NKAIN3: variants seen among roughly 807,000 people sequenced by gnomAD.
NKAIN3 encodes sodium/potassium-transporting ATPase subunit beta-1-interacting protein 3.
In NKAIN3, 25 loss-of-function variants were observed where a neutral mutation model predicts 30.2. That is an observed-to-expected ratio of 0.83 (90% CI 0.60 to 1.16). The LOEUF (loss-of-function observed/expected upper bound fraction) is 1.16, where lower values mean the gene tolerates loss of function less well. Among genes scored for constraint, NKAIN3 ranks in the 50% most tolerant of loss-of-function variants. The pLI is 0.00. For missense variants in NKAIN3, 225 were observed against 254.1 expected, an observed-to-expected ratio of 0.89 and a Z score of 0.78; for synonymous variants, 91 against 89.6, an observed-to-expected ratio of 1.02 and a Z score of -0.09.
At position 62,978,345 on chromosome 8, in the gene NKAIN3, C is replaced by T. The variant is rs753722100; in HGVS notation, c.*12938C>T. On this transcript the variant is annotated 3_prime_UTR_variant, in exon 7 of 7. Transcript: ENST00000623646. ...CCCCTTCCCCCAGGTGCTCTGTCCCCAGGAGATGGGAGTTTTATCTATAAG... is the reference window on the plus strand; with the variant it reads ...CCCCTTCCCCCAGGTGCTCTGTCCCTAGGAGATGGGAGTTTTATCTATAAG... The T allele has an allele frequency of 6.6e-6, 1 of 152,382 alleles. No individual in the cohort carries two copies. Among genetic ancestry groups the T allele is most frequent in the African/African-American group, 2.4e-5 (1 of 41,460 alleles). The allele number at this position is 152,382 out of a possible 1,614,324, so 9.4% of individuals were successfully genotyped here. A position where few individuals can be genotyped will look rare whatever the true frequency, so the allele number is the denominator to read the frequency against.
intron 1 of NKAIN3, among the ~76,000 whole-genome samples, chr8:62,569,201 G>A (rs11787352): frequency 0.4 from 61,360 of 152,026 alleles, 13,265 homozygotes; most frequent in Non-Finnish European, 0.5. Flanking sequence ...TAGCATAGTG[G>A]CAAGTCTCCA....
intron 4 of NKAIN3, among the ~76,000 whole-genome samples, chr8:62,846,886 T>C (rs183723455): frequency 8.6e-4 from 131 of 152,238 alleles, no homozygotes; most frequent in Non-Finnish European, 1.4e-3. Context: ...AGTCATGTCT[T>C]ACACGGTGGC....
rs1044878260 is a variant in NKAIN3 at position 62,967,290 on chromosome 8, C to T, written c.*1883C>T. 3.3e-5 allele frequency among the ~76,000 whole-genome samples: 5 copies of T among 152,140 alleles called. No individual in the cohort carries two copies. The highest frequency in any genetic ancestry group is 5.9e-5 in the Non-Finnish European group (4 of 68,028). Reference sequence around the variant, plus strand: ...CAAAAGTTGGGGTTTGGGTCCCATCCACCACCATGTTCTTGGACAGTGTTT... The same window carrying T: ...CAAAAGTTGGGGTTTGGGTCCCATCTACCACCATGTTCTTGGACAGTGTTT... On this transcript the variant is annotated 3_prime_UTR_variant, in exon 7 of 7. Coordinates refer to ENST00000623646, the MANE Select transcript of NKAIN3 (RefSeq NM_001304533.3).
chr8:62,513,734 G>T (rs1357187827), intron 1 of NKAIN3, among the ~76,000 whole-genome samples: 1 of 151,714 alleles, frequency 6.6e-6, no homozygotes, highest in Admixed American at 6.6e-5. Flanking sequence ...AGCTAGGTGT[G>T]GTGGCGCACA....
chr8:62,504,867 C>A (rs1477092824), intron 1 of NKAIN3, among the ~76,000 whole-genome samples: 1 of 152,118 alleles, frequency 6.6e-6, no homozygotes, highest in East Asian at 1.9e-4. Context: ...TTCTCAATGT[C>A]CCTCAAACAA....
chr8:62,623,942 G>A (rs1586020895), intron 3 of NKAIN3, among the ~76,000 whole-genome samples: 2 of 152,178 alleles, frequency 1.3e-5, no homozygotes, highest in African/African-American at 4.8e-5. Context: ...TCTAAACGAA[G>A]GGTGGATTAT....
At chr8:62,286,487 T>G (rs945185271) in intron 1 of NKAIN3, among the ~76,000 whole-genome samples, 2 of 152,098 alleles carry the variant, frequency 1.3e-5, no homozygotes, top group African/African-American at 2.4e-5. Context: ...GGAAGAGAGA[T>G]AATGTTGTCT....
intron 1 of NKAIN3, among the ~76,000 whole-genome samples, chr8:62,340,133 T>A (rs1258203106): frequency 6.6e-6 from 1 of 152,142 alleles, no homozygotes; most frequent in Non-Finnish European, 1.5e-5. Flanking sequence ...TGTATTTTTA[T>A]GTTTTTTAAT....
intron 4 of NKAIN3, among the ~76,000 whole-genome samples, chr8:62,914,795 T>A (rs1822035578): frequency 6.6e-6 from 1 of 151,504 alleles, no homozygotes; most frequent in South Asian, 2.1e-4. Flanking sequence ...TTTTTTTTTT[T>A]TGCTATTATA....
At chr8:62,842,690 G>A (rs576038161) in intron 4 of NKAIN3, among the ~76,000 whole-genome samples, 1 of 152,034 alleles carries the variant, frequency 6.6e-6, no homozygotes, top group Non-Finnish European at 1.5e-5. Context: ...AGGACAGAAA[G>A]CTCAGTAATA....
At chr8:62,836,085 A>C (rs906114544) in intron 4 of NKAIN3, among the ~76,000 whole-genome samples, 1 of 152,128 alleles carries the variant, frequency 6.6e-6, no homozygotes, top group Non-Finnish European at 1.5e-5. Flanking sequence ...TTAAGACTGG[A>C]ATAGAAAACC....
intron 3 of NKAIN3, among the ~76,000 whole-genome samples, chr8:62,713,476 C>A (rs1057346125): frequency 2.6e-5 from 4 of 152,164 alleles, no homozygotes; most frequent in African/African-American, 7.2e-5. Flanking sequence ...ATCTATATTG[C>A]AAAAAGTTAA....
At chr8:62,597,176 C>T (rs1810860169) in intron 3 of NKAIN3, among the ~76,000 whole-genome samples, 1 of 152,044 alleles carries the variant, frequency 6.6e-6, no homozygotes, top group Non-Finnish European at 1.5e-5. Context: ...GAAAGGACTC[C>T]TAGAGCTATT....
Position 62,310,342 on chromosome 8 carries a change from G to A in NKAIN3, c.54+61215G>A, listed in dbSNP as rs565483356. Among the ~76,000 whole-genome samples, 7 of 150,640 alleles carry A rather than the reference G, an allele frequency of 4.6e-5. No homozygotes were observed. In the South Asian group the frequency reaches 1.0e-3, roughly 22 times the overall value. ...ACACTGGGAAGGATCTTTCAAAGGCGAGTTTGGTTAGGAAGATAACTAAAG... is the reference window on the plus strand; with the variant it reads ...ACACTGGGAAGGATCTTTCAAAGGCAAGTTTGGTTAGGAAGATAACTAAAG... On this transcript the variant is annotated intron_variant, in intron 1 of 6. Coordinates refer to ENST00000623646, the MANE Select transcript of NKAIN3 (RefSeq NM_001304533.3).
Position 62,883,457 on chromosome 8 carries a change from G to GTTGTTGTTTTT in NKAIN3, c.472-34994_472-34993insGTTGTTTTTTT. ...TTTATTATTTCCAGGAGTTTTATGGGTTTTTTTTTTTTTTTTCAGATTTTC... is the reference window on the plus strand; with the variant it reads ...TTTATTATTTCCAGGAGTTTTATGGGTTGTTGTTTTTTTTTTTTTTTTTTTTTCAGATTTTC... On this transcript the variant is annotated intron_variant, in intron 4 of 6. Transcript: ENST00000623646. Among the ~76,000 whole-genome samples the GTTGTTGTTTTT allele has an allele frequency of 1.1e-3, 77 of 70,216 alleles. 1 individual carries two copies. Among genetic ancestry groups the GTTGTTGTTTTT allele is most frequent in the African/African-American group, 3.2e-3 (46 of 14,296 alleles). The allele number at this position is 70,216 out of a possible 152,430, so 46.1% of individuals were successfully genotyped here.
chr8:62,865,041 G>A (rs1021515193), intron 4 of NKAIN3, among the ~76,000 whole-genome samples: 1 of 152,146 alleles, frequency 6.6e-6, no homozygotes, highest in African/African-American at 2.4e-5. Context: ...AACTGCTGGG[G>A]AGAGTCCGGT....
chr8:62,395,423 G>A (rs1817725322), intron 1 of NKAIN3, among the ~76,000 whole-genome samples: 1 of 152,178 alleles, frequency 6.6e-6, no homozygotes, highest in South Asian at 2.1e-4. Flanking sequence ...CGGGAACCAG[G>A]CGGAGGCACT....
chr8:62,265,464 A>G (rs1015805756), intron 1 of NKAIN3, among the ~76,000 whole-genome samples: 3 of 152,232 alleles, frequency 2.0e-5, no homozygotes, highest in African/African-American at 7.2e-5. Context: ...AAAGAAATAA[A>G]CTGAGCAGCT....
At chr8:62,568,535 A>T (rs968341238) in intron 1 of NKAIN3, among the ~76,000 whole-genome samples, 3 of 152,194 alleles carry the variant, frequency 2.0e-5, no homozygotes, top group Admixed American at 6.5e-5. Flanking sequence ...TCCTGAGTGA[A>T]TTTGTGATAC....
Sources: gnomAD v4.1 joint callset for allele counts (sites outside exome capture counted in the v4.1 genomes callset) on GRCh38, gnomAD v4.1.1 for gene constraint, MANE v1.5 for transcripts, NCBI Gene and HGNC (gene_info 2026-07-23, HGNC 2026-07-21) for gene names.